TEX9: variants seen among roughly 807,000 people sequenced by gnomAD.
TEX9 encodes the protein testis-expressed protein 9.
Under a neutral mutation model 59.6 loss-of-function variants are expected in TEX9, and 74 were observed. The observed-to-expected ratio is 1.24, with a 90% CI of 1.03 to 1.51. TEX9 has a LOEUF of 1.51. Among genes scored for constraint, TEX9 ranks in the 40% most tolerant of loss-of-function variants. TEX9 has a pLI of 0.00. For synonymous variants in TEX9, 186 were observed against 152.2 expected, an observed-to-expected ratio of 1.22 and a Z score of -1.64; for missense variants, 522 against 447.8, an observed-to-expected ratio of 1.17 and a Z score of -1.49.
At chr15:56,458,926 AT>A in the TEX9 span, among the ~76,000 whole-genome samples, 2 of 152,216 alleles carry the variant, frequency 1.3e-5, no homozygotes, top group Non-Finnish European at 2.9e-5. Context: ...CATTTGTGCT[AT>A]GGCAGCTATA....
chr15:56,292,292 A>G (rs1465700730), intron 1 of TEX9, among the ~76,000 whole-genome samples: 2 of 152,192 alleles, frequency 1.3e-5, no homozygotes, highest in East Asian at 3.8e-4. Flanking sequence ...CTTCCTGGTT[A>G]CTTTGGGCTT....
chr15:56,280,281 G>C (rs920623230), intron 1 of TEX9, among the ~76,000 whole-genome samples: 27 of 152,258 alleles, frequency 1.8e-4, no homozygotes, highest in African/African-American at 6.0e-4. Context: ...CCCCAGCCAT[G>C]ATCGCTGATG....
chr15:56,366,982 C>T (rs1218442369), intron 2 of TEX9, among the ~76,000 whole-genome samples: 1 of 152,274 alleles, frequency 6.6e-6, no homozygotes, highest in African/African-American at 2.4e-5. Context: ...AGCTATGCCT[C>T]AATCAAAACG....
intron 3 of TEX9, among the ~76,000 whole-genome samples, chr15:56,375,785 G>A (rs1185812445): frequency 1.5e-4 from 22 of 151,278 alleles, no homozygotes; most frequent in East Asian, 9.8e-4. Context: ...TGTTTATTGC[G>A]GCACTATTCA....
chr15:56,459,662 CA>C, the TEX9 span, among the ~76,000 whole-genome samples: 2 of 151,902 alleles, frequency 1.3e-5, no homozygotes, highest in African/African-American at 4.8e-5. Flanking sequence ...AGAATTCTTA[CA>C]AACTAGAGGA....
At chr15:56,250,631 A>G (rs1366436184) in intron 1 of TEX9, among the ~76,000 whole-genome samples, 1 of 152,158 alleles carries the variant, frequency 6.6e-6, no homozygotes, top group African/African-American at 2.4e-5. Flanking sequence ...TTATATTTGT[A>G]TGTTTACATA....
At chr15:56,404,344 A>T (rs955089202) in intron 9 of TEX9, among the ~76,000 whole-genome samples, 1 of 152,250 alleles carries the variant, frequency 6.6e-6, no homozygotes, top group Non-Finnish European at 1.5e-5. Context: ...GACGCTTCTC[A>T]AAAGAAGACA....
chr15:56,381,948 G>A (rs960641144), intron 3 of TEX9, among the ~76,000 whole-genome samples: 2 of 152,288 alleles, frequency 1.3e-5, no homozygotes, highest in Middle Eastern at 3.4e-3. Context: ...TCAGGGTAGC[G>A]AGTTCCCCCA....
chr15:56,255,278 G>T (rs2460650), intron 1 of TEX9, among the ~76,000 whole-genome samples: 53,248 of 151,886 alleles, frequency 0.35, 9,863 homozygotes, highest in Non-Finnish European at 0.41. Context: ...TGTTCTAGAT[G>T]ATTGCAACAT....
intron 9 of TEX9, among the ~76,000 whole-genome samples, chr15:56,405,824 A>G: frequency 6.6e-6 from 1 of 152,166 alleles, no homozygotes; most frequent in South Asian, 2.1e-4. Context: ...CCATTTTTAA[A>G]ATTATTATGT....
chr15:56,455,655 C>T, the TEX9 span, among the ~76,000 whole-genome samples: 1 of 152,250 alleles, frequency 6.6e-6, no homozygotes, highest in East Asian at 1.9e-4. Flanking sequence ...AAAAGTAATT[C>T]GATCTTAGGC....
chr15:56,319,683 A>T, intron 1 of TEX9, among the ~76,000 whole-genome samples: 1 of 152,152 alleles, frequency 6.6e-6, no homozygotes, highest in East Asian at 1.9e-4. Flanking sequence ...GCACCAAATG[A>T]GAGAGTCAGC....
intron 1 of TEX9, among the ~76,000 whole-genome samples, chr15:56,357,817 C>T (rs1307189653): frequency 6.6e-6 from 1 of 152,026 alleles, no homozygotes; most frequent in Admixed American, 6.6e-5. Flanking sequence ...GATTCTGTCC[C>T]TTATTTCTAT....
At chr15:56,458,172 ATAAT>A in the TEX9 span, among the ~76,000 whole-genome samples, 3 of 152,230 alleles carry the variant, frequency 2.0e-5, no homozygotes, top group Admixed American at 6.5e-5. Flanking sequence ...TTATTTTTTA[ATAAT>A]TGAGATATAA....
chr15:56,309,693 GTTTTTTTT>G (rs60648387), intron 1 of TEX9, among the ~76,000 whole-genome samples: 73 of 60,786 alleles, frequency 1.2e-3, no homozygotes, highest in African/African-American at 4.3e-3. Flanking sequence ...TTTATGGGAA[GTTTTTTTT>G]TTTTTTTTTT....
chr15:56,431,347 T>G (rs2050589960), intron 12 of TEX9: 3 of 1,607,118 alleles, frequency 1.9e-6, no homozygotes, highest in Non-Finnish European at 1.7e-6. Flanking sequence ...TCATGAAGAT[T>G]ACAACTTGAG....
At chr15:56,455,689 A>G in the TEX9 span, among the ~76,000 whole-genome samples, 1 of 152,208 alleles carries the variant, frequency 6.6e-6, no homozygotes, top group Non-Finnish European at 1.5e-5. Context: ...ATTCTAGAAT[A>G]GTGTCCTGTC....
intron 1 of TEX9, among the ~76,000 whole-genome samples, chr15:56,278,226 G>T (rs1596061475): frequency 6.6e-6 from 1 of 152,042 alleles, no homozygotes; most frequent in South Asian, 2.1e-4. Context: ...TTTTAAACCT[G>T]ATTATTGCAC....
intron 1 of TEX9, among the ~76,000 whole-genome samples, chr15:56,314,722 G>A (rs545775467): frequency 2.5e-4 from 38 of 151,754 alleles, no homozygotes; most frequent in East Asian, 7.8e-4. Context: ...TTTCTGTCTC[G>A]TTGATCTGTC....
Sources: gnomAD v4.1 joint callset for allele counts (sites outside exome capture counted in the v4.1 genomes callset) on GRCh38, gnomAD v4.1.1 for gene constraint, MANE v1.5 for transcripts, NCBI Gene and HGNC (gene_info 2026-07-23, HGNC 2026-07-21) for gene names.